DOCK8: variants seen among roughly 807,000 people sequenced by gnomAD.
DOCK8 encodes dedicator of cytokinesis protein 8.
In DOCK8, 141 loss-of-function variants were observed where a neutral mutation model predicts 245.6. That is an observed-to-expected ratio of 0.57 (90% CI 0.50 to 0.66). The LOEUF is 0.66. DOCK8 is among the 30% of genes least tolerant of loss of function. DOCK8 has a pLI of 0.00. For missense variants in DOCK8, 2,965 were observed against 2,603.4 expected (o/e 1.14, Z -3.02); for synonymous variants, 1,168 against 970.2 (o/e 1.20, Z -3.79).
Position 417,220 on chromosome 9 carries a change from T to C in DOCK8, c.3701-848T>C, listed in dbSNP as rs377298184. ...AGGTAGGAGGATGGAGGGGCAGAGA[T>C]TGCAGTGAGCGGAGATGGCGCCACT... On this transcript the variant is annotated intron_variant, in intron 29 of 47. Transcript: ENST00000432829. Among the ~76,000 whole-genome samples, 254 of 152,288 alleles carry C rather than the reference T, an allele frequency of 1.7e-3. 1 individual carries two copies. The highest frequency in any genetic ancestry group is 4.6e-3 in the South Asian group (22 of 4,820).
intron 12 of DOCK8, among the ~76,000 whole-genome samples, chr9:338,397 A>C (rs751191162): frequency 6.6e-6 from 1 of 152,174 alleles, no homozygotes; most frequent in East Asian, 1.9e-4. Context: ...TTCAGCATAC[A>C]TGTACCCTTC....
intron 1 of DOCK8, among the ~76,000 whole-genome samples, chr9:270,803 T>C (rs1284915637): frequency 6.6e-6 from 1 of 152,234 alleles, no homozygotes; most frequent in African/African-American, 2.4e-5. Flanking sequence ...TTGTATGTTT[T>C]GGCCTCATTG....
intron 14 of DOCK8, among the ~76,000 whole-genome samples, chr9:367,695 T>G (rs868485602): frequency 2.0e-5 from 3 of 152,342 alleles, no homozygotes; most frequent in South Asian, 4.1e-4. Context: ...GAGCTGGACC[T>G]TTTTTGCCTT....
intron 2 of DOCK8, among the ~76,000 whole-genome samples, chr9:286,178 C>G (rs2048815339): frequency 6.6e-6 from 1 of 152,102 alleles, no homozygotes; most frequent in Non-Finnish European, 1.5e-5. Flanking sequence ...CATTTTGGAT[C>G]TCCTCAGGAT....
In DOCK8 at chr9:428,424, T is replaced by G; in HGVS notation, c.4401T>G (p.Asn1467Lys). The stretch of plus-strand genomic sequence containing the variant: ...GAGGTGTTCTGAGGGTGCTGGTGAA[T>G]TCTCTGAACTGTGATCAGAGTACCA... ...LLGGVLRVLV[N>K]SLNCDQSTTY... The change falls in exon 35 of 48, where the codon AAT becomes AAG. Residue 1467 changes from asparagine (N) to lysine (K), a missense_variant. Physicochemically the swap from Asn to Lys is moderately conservative, Grantham distance 94. Transcript: ENST00000432829. The G allele has an allele frequency of 6.2e-7, 1 of 1,614,230 alleles. No homozygotes were observed. The highest frequency in any genetic ancestry group is 8.5e-7 in the Non-Finnish European group (1 of 1,180,026).
rs530443472 is a variant in DOCK8, at chr9:336,560, G to C, written c.1286-22G>C. The C allele has an allele frequency of 9.9e-6, 16 of 1,613,974 alleles. No homozygotes were observed. The South Asian group carries it at 1.1e-4, about 11-fold the overall frequency. On this transcript the variant is annotated intron_variant, in intron 11 of 47. Transcript: ENST00000432829. The stretch of plus-strand genomic sequence containing the variant: ...TTTGAACAGAAAGGCATACTTTGGA[G>C]TGACAATTGTTTTTCTTAAAGGGAG...
rs144133844 is a variant in DOCK8 at position 428,364 on chromosome 9, G to T, written c.4341G>T (p.Ala1447=). 1 of 1,614,118 alleles carries T rather than the reference G, an allele frequency of 6.2e-7. No homozygotes were observed. Among genetic ancestry groups the T allele is most frequent in the Non-Finnish European group, 8.5e-7 (1 of 1,180,024 alleles). ...ILDMQENIIQ[A]SSALDCKDSL... ...ATGCTGTTCTTCCATTCCCCCAGGC[G>T]AGCTCGGCTCTGGACTGTAAAGACA... is the stretch of plus-strand genomic sequence containing the variant. Residue 1447 remains alanine (A), a splice_region_variant and synonymous_variant, in exon 35 of 48, where the codon GCG becomes GCT. Coordinates refer to ENST00000432829, the MANE Select transcript of DOCK8 (RefSeq NM_203447.4).
At chr9:459,431 A>T (rs372089918) in intron 46 of DOCK8, among the ~76,000 whole-genome samples, 1 of 152,252 alleles carries the variant, frequency 6.6e-6, no homozygotes, top group Non-Finnish European at 1.5e-5. Flanking sequence ...GTTTTTCTTT[A>T]TAAAACATCA....
chr9:399,861 T>C (rs1026840549), intron 26 of DOCK8, among the ~76,000 whole-genome samples: 1 of 151,932 alleles, frequency 6.6e-6, no homozygotes, highest in Non-Finnish European at 1.5e-5. Flanking sequence ...TTATTGTTGC[T>C]GCTCCTCTCC....
chr9:306,660 T>C (rs530784443), intron 5 of DOCK8, among the ~76,000 whole-genome samples: 1 of 152,294 alleles, frequency 6.6e-6, no homozygotes, highest in Non-Finnish European at 1.5e-5. Context: ...CCAGAGGGTT[T>C]GTTCAAATAT....
chr9:232,372 C>G (rs1318186625), intron 1 of DOCK8, among the ~76,000 whole-genome samples: 1 of 152,108 alleles, frequency 6.6e-6, no homozygotes, highest in East Asian at 1.9e-4. Context: ...TTGGTTGTGT[C>G]TCTGCCAGGC....
chr9:399,277 C>T lies in DOCK8; in HGVS notation c.3234+18C>T. On this transcript the variant is annotated intron_variant, in intron 26 of 47. Coordinates refer to ENST00000432829, the MANE Select transcript of DOCK8 (RefSeq NM_203447.4). ...GCAGCCAGGTGAGTGTCCCCCCCACCCCCACCCCCGAGCGAGCCACTTGGT... is the reference window on the plus strand; with the variant it reads ...GCAGCCAGGTGAGTGTCCCCCCCACTCCCACCCCCGAGCGAGCCACTTGGT... The T allele has an allele frequency of 1.3e-6, 2 of 1,497,612 alleles. No individual in the cohort carries two copies. The highest frequency in any genetic ancestry group is 1.8e-6 in the Non-Finnish European group (2 of 1,107,152). The allele number at this position is 1,497,612 out of a possible 1,614,324, so 92.8% of individuals were successfully genotyped here. A position where few individuals can be genotyped will look rare whatever the true frequency, so the allele number is the denominator to read the frequency against.
At chr9:385,204 A>G (rs544777625) in intron 22 of DOCK8, among the ~76,000 whole-genome samples, 94 of 152,342 alleles carry the variant, frequency 6.2e-4, no homozygotes, top group Non-Finnish European at 1.1e-3. Context: ...TCTGAATGCA[A>G]TGTGGTATGC....
intron 34 of DOCK8, 94 bp from the exon 35 acceptor site, chr9:428,268 A>G: frequency 4.4e-6 from 7 of 1,598,652 alleles, no homozygotes; most frequent in Non-Finnish European, 6.0e-6. Context: ...ACCACTGGAC[A>G]TGGAACATCA....
chr9:427,287 C>G (rs545517745), intron 34 of DOCK8, among the ~76,000 whole-genome samples: 1 of 152,186 alleles, frequency 6.6e-6, no homozygotes, highest in South Asian at 2.1e-4. Context: ...TTGGGTTTAT[C>G]GTTTAGTATC....
At chr9:385,542 G>A (rs550749733) in intron 22 of DOCK8, among the ~76,000 whole-genome samples, 1 of 152,274 alleles carries the variant, frequency 6.6e-6, no homozygotes, top group South Asian at 2.1e-4. Flanking sequence ...CTGTGTCTGT[G>A]TGATGGAAAT....
At chr9:241,917 G>T (rs1331644441) in intron 1 of DOCK8, among the ~76,000 whole-genome samples, 2 of 152,174 alleles carry the variant, frequency 1.3e-5, no homozygotes, top group African/African-American at 4.8e-5. Flanking sequence ...CCTGGCATGG[G>T]ATAGGTAAAC....
chr9:245,715 G>A (rs886209102), intron 1 of DOCK8, among the ~76,000 whole-genome samples: 15 of 152,140 alleles, frequency 9.9e-5, no homozygotes, highest in African/African-American at 4.8e-5. Flanking sequence ...ACATGTTGAA[G>A]CATTTATTTA....
chr9:400,144 TCCACCATCA>T lies in DOCK8; in HGVS notation c.3234+892_3234+900del, dbSNP rs1396953712. On this transcript the variant is annotated intron_variant, in intron 26 of 47. Coordinates refer to ENST00000432829, the MANE Select transcript of DOCK8 (RefSeq NM_203447.4). ...CAGCATCTTCACCATCACCACCACCTCCACCATCACCACCACCACCACCTCCACCATCAC... is the reference window on the plus strand; with the variant it reads ...CAGCATCTTCACCATCACCACCACCTCCACCACCACCACCTCCACCATCAC... Among the ~76,000 whole-genome samples the T allele has an allele frequency of 7.2e-4, 30 of 41,438 alleles. 1 individual carries two copies. The highest frequency in any genetic ancestry group is 4.9e-3 in the East Asian group (5 of 1,028). The allele number at this position is 41,438 out of a possible 152,430, so 27.2% of individuals were successfully genotyped here. A position where few individuals can be genotyped will look rare whatever the true frequency, so the allele number is the denominator to read the frequency against.
Sources: allele counts gnomAD v4.1 joint callset (sites outside exome capture counted in the v4.1 genomes callset), GRCh38; gene constraint gnomAD v4.1.1; transcripts MANE v1.5; gene names NCBI Gene and HGNC (gene_info 2026-07-23, HGNC 2026-07-21).